Variants in MTFR1 observed in about 807,000 individuals in gnomAD.
MTFR1 encodes the protein mitochondrial fission regulator 1.
MTFR1 carries 28 observed loss-of-function variants against 38.8 expected under a neutral mutation model. The observed-to-expected ratio is 0.72, with a 90% CI of 0.53 to 0.99. The LOEUF is 0.99. Ranked by LOEUF, MTFR1 falls within the 50% of genes least tolerant of loss-of-function variation. The pLI is 0.00. For synonymous variants in MTFR1, 145 were observed against 137.0 expected (o/e 1.06, Z -0.41); for missense variants, 358 against 395.5 (o/e 0.91, Z 0.81).
chr8:65,768,278 C>A (rs1808898721), intron 3 of MTFR1, among the ~76,000 whole-genome samples: 1 of 152,120 alleles, frequency 6.6e-6, no homozygotes, highest in Non-Finnish European at 1.5e-5. Context: ...TAGTATAATT[C>A]TGATATGGTT....
At chr8:65,644,972 C>T (rs977477974) in intron 1 of MTFR1, among the ~76,000 whole-genome samples, 188 bp downstream of exon 1, 1 of 152,248 alleles carries the variant, frequency 6.6e-6, no homozygotes, top group African/African-American at 2.4e-5. Context: ...GAGGCAGAGA[C>T]TGCCTCGGCT....
At chr8:65,714,153 G>A (rs1353020491), downstream of MTFR1, among the ~76,000 whole-genome samples, 1 of 150,554 alleles carries the variant, frequency 6.6e-6, no homozygotes, top group East Asian at 1.9e-4. Flanking sequence ...GACATGTTGA[G>A]AACAGAAACC....
chr8:65,726,842 G>C, intron 3 of MTFR1: 1 of 1,162,964 alleles, frequency 8.6e-7, no homozygotes, highest in African/African-American at 1.5e-5. Flanking sequence ...TCTATAACCA[G>C]TAACAAATTA....
At chr8:65,658,473 G>A (rs17303905) in intron 1 of MTFR1, among the ~76,000 whole-genome samples, 29,211 of 152,020 alleles carry the variant, frequency 0.19, 2,968 homozygotes, top group Middle Eastern at 0.23. Flanking sequence ...ATATTTATCT[G>A]GGTTTCTCTT....
chr8:65,702,713 C>T (rs746778546), intron 4 of MTFR1, among the ~76,000 whole-genome samples: 13 of 152,118 alleles, frequency 8.5e-5, no homozygotes, highest in Non-Finnish European at 1.0e-4. Flanking sequence ...GGGAATAGGG[C>T]ACATCTAATT....
chr8:65,744,573 T>C (rs1416504134), intron 3 of MTFR1, among the ~76,000 whole-genome samples: 3 of 152,168 alleles, frequency 2.0e-5, no homozygotes, highest in African/African-American at 7.2e-5. Flanking sequence ...CCATACTCTG[T>C]AGATTCTGAT....
rs368594392 is a variant in MTFR1 at position 65,767,240 on chromosome 8, C to T, written c.*49-3707C>T. ...AAGCATGAACCTCAGATTTTTGTTA[C>T]GTAAATAAATCATCAATGACCAGCA... is the stretch of plus-strand genomic sequence containing the variant. On this transcript the variant is annotated intron_variant, in intron 3 of 3. Coordinates refer to the MTFR1 transcript ENST00000521247. 2.4e-3 allele frequency among the ~76,000 whole-genome samples: 372 copies of T among 152,160 alleles called. 2 individuals carry two copies. The highest frequency in any genetic ancestry group is 8.5e-3 in the African/African-American group (353 of 41,512).
intron 1 of MTFR1, among the ~76,000 whole-genome samples, chr8:65,664,826 G>A (rs1804328294): frequency 6.6e-6 from 1 of 151,622 alleles, no homozygotes; most frequent in African/African-American, 2.4e-5. Flanking sequence ...AACCTTAGGT[G>A]ATCTGCCCAC....
chr8:65,756,049 G>A (rs1808227673), intron 3 of MTFR1, among the ~76,000 whole-genome samples: 1 of 152,214 alleles, frequency 6.6e-6, no homozygotes, highest in Non-Finnish European at 1.5e-5. Flanking sequence ...GTGGTTGACA[G>A]TTTTTTGTTT....
rs917623277 is a variant in MTFR1 at position 65,719,741 on chromosome 8, T to C, written c.*48+260T>C. Reference sequence around the variant, plus strand: ...TGAACTGACAAATATATCTAACCTTTTCTGGTTATCCTTCTCAGTGGCACA... The same window carrying C: ...TGAACTGACAAATATATCTAACCTTCTCTGGTTATCCTTCTCAGTGGCACA... On this transcript the variant is annotated intron_variant, in intron 3 of 3. Transcript: ENST00000521247. 8.3e-6 allele frequency: 4 copies of C among 483,242 alleles called. No homozygotes were observed. In the Admixed American group the frequency reaches 1.3e-4, roughly 16 times the overall value. 29.9% of individuals were successfully genotyped at this position (483,242 alleles called of 1,614,324 possible).
At chr8:65,701,559 C>A (rs941959676) in intron 4 of MTFR1, among the ~76,000 whole-genome samples, 1 of 152,148 alleles carries the variant, frequency 6.6e-6, no homozygotes, top group African/African-American at 2.4e-5. Context: ...TTTATAGGTT[C>A]ATAGGGCTTA....
chr8:65,645,516 T>TGC (rs1808933506), intron 1 of MTFR1, among the ~76,000 whole-genome samples: 1 of 152,224 alleles, frequency 6.6e-6, no homozygotes, highest in Non-Finnish European at 1.5e-5. Context: ...TGGGCAGTCT[T>TGC]GCTCCCCTAA....
Position 65,762,480 on chromosome 8 carries a change from C to T in MTFR1, c.*49-8467C>T, listed in dbSNP as rs527678687. 2.6e-4 allele frequency among the ~76,000 whole-genome samples: 40 copies of T among 152,296 alleles called. No individual in the cohort carries two copies. The South Asian group carries it at 8.3e-3, about 32-fold the overall frequency. On this transcript the variant is annotated intron_variant, in intron 3 of 3. Transcript: ENST00000521247. ...ACAGGGGCTTAGGAATTAGACACAT[C>T]TGAGTTTGAATCCCAATTCTGCCAC...
chr8:65,655,341 A>G (rs78781084), intron 1 of MTFR1, among the ~76,000 whole-genome samples: 2,814 of 152,314 alleles, frequency 0.018, 24 homozygotes, highest in African/African-American at 0.025. Context: ...GCCTGTGTTC[A>G]TGGACCTCTT....
chr8:65,645,304 T>C (rs1181395306), intron 1 of MTFR1, among the ~76,000 whole-genome samples: 1 of 152,252 alleles, frequency 6.6e-6, no homozygotes, highest in Non-Finnish European at 1.5e-5. Flanking sequence ...TTCCTGTGGT[T>C]GCTGTGTCGC....
At chr8:65,644,148 G>A (rs1162712815), upstream of MTFR1, among the ~76,000 whole-genome samples, 1 of 152,200 alleles carries the variant, frequency 6.6e-6, no homozygotes, top group Non-Finnish European at 1.5e-5. Context: ...GAAATCCAGA[G>A]TGTCCTAGAG....
chr8:65,724,547 G>A (rs965230219), intron 3 of MTFR1, among the ~76,000 whole-genome samples: 2 of 152,090 alleles, frequency 1.3e-5, no homozygotes, highest in Non-Finnish European at 2.9e-5. Context: ...TGTAAAAATT[G>A]TTTTCATCAG....
chr8:65,761,072 T>C (rs1470424136), intron 3 of MTFR1, among the ~76,000 whole-genome samples: 1 of 152,082 alleles, frequency 6.6e-6, no homozygotes, highest in East Asian at 1.9e-4. Context: ...TTCTTTTTTT[T>C]TTTTTTAGAC....
In MTFR1 at chr8:65,704,681, G is replaced by A. The variant is rs753332019; in HGVS notation, c.282-13G>A. ...CAAAGCCTGTGACAGCCCACCTTATGTCTTCCTTGCAGGACAGAGGTCAGA... is the reference window on the plus strand; with the variant it reads ...CAAAGCCTGTGACAGCCCACCTTATATCTTCCTTGCAGGACAGAGGTCAGA... On this transcript the variant is annotated splice_polypyrimidine_tract_variant and intron_variant, in intron 4 of 7. Transcript: ENST00000262146. The A allele has an allele frequency of 1.9e-6, 3 of 1,611,888 alleles. No homozygotes were observed. The Admixed American group carries it at 5.0e-5, about 27-fold the overall frequency.
Sources: gnomAD v4.1 joint callset for allele counts (sites outside exome capture counted in the v4.1 genomes callset) on GRCh38, gnomAD v4.1.1 for gene constraint, MANE v1.5 for transcripts, NCBI Gene and HGNC (gene_info 2026-07-23, HGNC 2026-07-21) for gene names.